The following NUP210L variants were observed in gnomAD, a reference collection of about 807,000 sequenced individuals.
NUP210L encodes the protein nuclear pore membrane glycoprotein 210-like.
NUP210L carries 74 observed loss-of-function variants against 208.5 expected under a neutral mutation model. That is an observed-to-expected ratio of 0.35 (90% confidence interval 0.29 to 0.43). The LOEUF (loss-of-function observed/expected upper bound fraction) is 0.43. Ranked by LOEUF, NUP210L falls within the 20% of genes least tolerant of loss-of-function variation. NUP210L has a pLI of 1.00. For missense variants in NUP210L, 1,843 were observed against 2,289.4 expected (o/e 0.81, Z 3.98); for synonymous variants, 780 against 816.9 (o/e 0.95, Z 0.77).
intron 22 of NUP210L, among the ~76,000 whole-genome samples, chr1:154,057,739 T>TGTGTGTGTGTGTG (rs1653945963): frequency 6.7e-6 from 1 of 149,146 alleles, no homozygotes; most frequent in African/African-American, 2.5e-5. Flanking sequence ...TGTGTGTGTA[T>TGTGTGTGTGTGTG]TTTAAGAGAT....
exon 6 of NUP210L, chr1:154,138,143 T>G: frequency 6.6e-7 from 1 of 1,518,916 alleles, no homozygotes; most frequent in Non-Finnish European, 8.7e-7. Flanking sequence ...CAACTTGGTA[T>G]TTAATATATG....
chr1:154,117,271 T>C (rs1450507689), intron 12 of NUP210L, among the ~76,000 whole-genome samples: 3 of 152,162 alleles, frequency 2.0e-5, no homozygotes, highest in Non-Finnish European at 4.4e-5. Flanking sequence ...AACCTAGTTA[T>C]AGAAATATTT....
chr1:154,004,170 G>A (rs1471391153), intron 35 of NUP210L, among the ~76,000 whole-genome samples: 5 of 150,704 alleles, frequency 3.3e-5, no homozygotes, highest in Non-Finnish European at 5.9e-5. Flanking sequence ...CTGGGTTCAC[G>A]CCATTCTTCT....
chr1:154,125,860 C>A (rs1322401054), intron 10 of NUP210L, among the ~76,000 whole-genome samples: 1 of 143,918 alleles, frequency 6.9e-6, no homozygotes, highest in Admixed American at 7.4e-5. Context: ...CTCCGCCTCC[C>A]GGGTTCACGC....
At chr1:154,009,310 T>A (rs1650761217) in intron 35 of NUP210L, among the ~76,000 whole-genome samples, 1 of 152,146 alleles carries the variant, frequency 6.6e-6, no homozygotes, top group Non-Finnish European at 1.5e-5. Context: ...CACTTGTTAA[T>A]CCTATTCTTT....
At chr1:153,995,506 T>A in intron 37 of NUP210L, 1 of 599,204 alleles carries the variant, frequency 1.7e-6, no homozygotes, top group Non-Finnish European at 3.0e-6. Flanking sequence ...GTAATACAAC[T>A]CTCTAATTCT....
exon 15 of NUP210L, chr1:154,095,026 T>C (rs757911218): frequency 6.2e-7 from 1 of 1,614,212 alleles, no homozygotes; most frequent in South Asian, 1.1e-5. Context: ...TCCAATCTTC[T>C]CTGTCTTCTC....
intron 32 of NUP210L, among the ~76,000 whole-genome samples, chr1:154,021,804 T>G (rs1436011745): frequency 6.6e-6 from 1 of 152,186 alleles, no homozygotes; most frequent in African/African-American, 2.4e-5. Context: ...GGCTTCTAAT[T>G]GGCTGGCTAT....
intron 30 of NUP210L, among the ~76,000 whole-genome samples, chr1:154,024,317 T>C (rs969546141): frequency 6.6e-6 from 1 of 152,168 alleles, no homozygotes; most frequent in Non-Finnish European, 1.5e-5. Flanking sequence ...TCATGTAACT[T>C]TTCTGGGTCT....
intron 25 of NUP210L, among the ~76,000 whole-genome samples, chr1:154,050,959 C>T (rs1462866443): frequency 6.6e-6 from 1 of 152,140 alleles, no homozygotes; most frequent in Non-Finnish European, 1.5e-5. Flanking sequence ...TTTGATATGC[C>T]TATTAATGTG....
intron 17 of NUP210L, among the ~76,000 whole-genome samples, chr1:154,062,567 CTTTTTTT>C (rs34499821): frequency 8.5e-4 from 64 of 75,004 alleles, no homozygotes; most frequent in South Asian, 2.0e-3. Flanking sequence ...TTTCTTTTTC[CTTTTTTT>C]TTTTTTTTTT....
intron 25 of NUP210L, 41 bp downstream of exon 25, chr1:154,054,187 C>T: frequency 1.9e-6 from 3 of 1,605,526 alleles, no homozygotes; most frequent in South Asian, 1.1e-5. Context: ...TATGGTTCCT[C>T]AATAGAAGAA....
intron 32 of NUP210L, among the ~76,000 whole-genome samples, chr1:154,020,726 C>T (rs914673319): frequency 2.0e-5 from 3 of 151,694 alleles, no homozygotes; most frequent in Non-Finnish European, 4.4e-5. Context: ...GGGGTTTCAC[C>T]ATGCTGGCCA....
chr1:154,023,027 A>C (rs1232727392), intron 31 of NUP210L, 95 bp downstream of exon 31: 1 of 1,282,244 alleles, frequency 7.8e-7, no homozygotes, highest in Non-Finnish European at 1.1e-6. Context: ...CCAAATTCAG[A>C]ATGTGAGAGG....
At chr1:154,022,778 A>G (rs1651640155) in intron 31 of NUP210L, among the ~76,000 whole-genome samples, 1 of 150,530 alleles carries the variant, frequency 6.6e-6, no homozygotes, top group African/African-American at 2.5e-5. Context: ...CCTGGGCTCA[A>G]GTGATCCTCC....
intron 7 of NUP210L, 41 bp downstream of exon 7, chr1:154,135,772 AG>A: frequency 5.8e-6 from 9 of 1,548,282 alleles, no homozygotes; most frequent in Non-Finnish European, 8.0e-6. Flanking sequence ...AGGATGCTCA[AG>A]GAAGTGTAGA....
chr1:154,061,617 A>C (rs1418557213), exon 18 of NUP210L: 1 of 1,608,018 alleles, frequency 6.2e-7, no homozygotes, highest in Admixed American at 1.7e-5. Context: ...ATAGCCCACA[A>C]AATTGACTCC....
intron 16 of NUP210L, among the ~76,000 whole-genome samples, chr1:154,082,104 G>A (rs377295354): frequency 9.6e-4 from 146 of 152,122 alleles, no homozygotes; most frequent in African/African-American, 3.2e-3. Flanking sequence ...TGGACGCTGC[G>A]TGTCTGGGAC....
At chr1:154,134,767 C>T (rs1470537858) in intron 7 of NUP210L, among the ~76,000 whole-genome samples, 1 of 132,156 alleles carries the variant, frequency 7.6e-6, no homozygotes, top group Non-Finnish European at 1.6e-5. Context: ...TGGAGTTTTG[C>T]TCTTGTTGCC....
Sources: allele counts gnomAD v4.1 joint callset (sites outside exome capture counted in the v4.1 genomes callset), GRCh38; gene constraint gnomAD v4.1.1; transcripts MANE v1.5; gene names NCBI Gene and HGNC (gene_info 2026-07-23, HGNC 2026-07-21).